The following NXPE2 variants were observed in gnomAD, a reference collection of about 807,000 sequenced individuals.
NXPE2 encodes neurexophilin and PC-esterase domain family member 2, also known as NXPE family member 2.
NXPE2 carries 34 observed loss-of-function variants against 34.4 expected under a neutral mutation model. The observed-to-expected ratio is 0.99, with a 90% CI of 0.75 to 1.31. NXPE2 has a LOEUF of 1.31. Ranked by LOEUF, NXPE2 falls within the 40% of genes most tolerant of loss-of-function variation. The pLI is 0.00. For missense variants in NXPE2, 649 were observed against 672.5 expected (o/e 0.97, Z 0.39); for synonymous variants, 235 against 231.3 (o/e 1.02, Z -0.15).
At chr11:114,593,273 C>T in the NXPE2 span, among the ~76,000 whole-genome samples, 3 of 152,060 alleles carry the variant, frequency 2.0e-5, no homozygotes, top group African/African-American at 7.2e-5. Context: ...TGCAAACTAT[C>T]CATCTGACAG....
At chr11:114,502,857 T>G in the NXPE2 span, among the ~76,000 whole-genome samples, 2 of 152,210 alleles carry the variant, frequency 1.3e-5, no homozygotes, top group Non-Finnish European at 2.9e-5. Context: ...TTGATTTGTT[T>G]CTTTTAAGTT....
chr11:114,626,769 GA>G, the NXPE2 span, among the ~76,000 whole-genome samples: 6 of 152,006 alleles, frequency 3.9e-5, no homozygotes, highest in Admixed American at 2.6e-4. Context: ...TGAAAACTTT[GA>G]AAAAAATTTA....
the NXPE2 span, chr11:114,530,168 T>C: frequency 6.3e-7 from 1 of 1,591,044 alleles, no homozygotes; most frequent in Non-Finnish European, 8.5e-7. Context: ...ATGAAAAGTA[T>C]ACTCACCTGT....
chr11:114,467,331 C>T, the NXPE2 span, among the ~76,000 whole-genome samples: 220 of 152,256 alleles, frequency 1.4e-3, no homozygotes, highest in Admixed American at 2.4e-3. Flanking sequence ...CTAGTAAAAT[C>T]CAGTTCGTTC....
At chr11:114,565,150 T>C in the NXPE2 span, among the ~76,000 whole-genome samples, 1 of 152,326 alleles carries the variant, frequency 6.6e-6, no homozygotes, top group Non-Finnish European at 1.5e-5. Context: ...ACATAATTTG[T>C]CCTTAAATTC....
the NXPE2 span, among the ~76,000 whole-genome samples, chr11:114,763,693 C>A: frequency 6.6e-6 from 1 of 152,186 alleles, no homozygotes; most frequent in Non-Finnish European, 1.5e-5. Context: ...TATTCCATCA[C>A]CAGTGCCAGC....
the NXPE2 span, among the ~76,000 whole-genome samples, chr11:114,640,658 G>T: frequency 1.3e-5 from 2 of 151,918 alleles, no homozygotes; most frequent in African/African-American, 4.8e-5. Flanking sequence ...TCTGACTAGG[G>T]TAAGGTGGTA....
chr11:114,481,593 A>C, the NXPE2 span, among the ~76,000 whole-genome samples: 1 of 152,184 alleles, frequency 6.6e-6, no homozygotes, highest in Non-Finnish European at 1.5e-5. Context: ...ATATTTAAGG[A>C]AATTCATAAA....
the NXPE2 span, among the ~76,000 whole-genome samples, chr11:114,560,794 C>T: frequency 2.0e-5 from 3 of 152,214 alleles, no homozygotes; most frequent in Non-Finnish European, 4.4e-5. Context: ...TCTTTCCCCT[C>T]TAACCCCTGG....
chr11:114,619,865 C>T, the NXPE2 span, among the ~76,000 whole-genome samples: 3 of 140,196 alleles, frequency 2.1e-5, no homozygotes, highest in Non-Finnish European at 4.7e-5. Context: ...CGCTGGATAA[C>T]AAGTGTTGCC....
At chr11:114,531,046 T>C in the NXPE2 span, 1 of 869,976 alleles carries the variant, frequency 1.1e-6, no homozygotes. Context: ...TATTTGGTAA[T>C]AAAGTGGCAT....
the NXPE2 span, among the ~76,000 whole-genome samples, chr11:114,725,976 A>AAAATATATAT: frequency 6.9e-5 from 7 of 101,746 alleles, no homozygotes; most frequent in East Asian, 3.6e-4. Context: ...ATAAAAAAAA[A>AAAATATATAT]ATATATATAT....
the NXPE2 span, among the ~76,000 whole-genome samples, chr11:114,713,003 T>C: frequency 1.3e-5 from 2 of 152,162 alleles, no homozygotes; most frequent in South Asian, 2.1e-4. Flanking sequence ...GAGGATATTA[T>C]GCGAAGTGGA....
the NXPE2 span, among the ~76,000 whole-genome samples, chr11:114,616,161 G>T: frequency 6.8e-6 from 1 of 147,432 alleles, no homozygotes; most frequent in Admixed American, 6.7e-5. Context: ...GGGTAACCAT[G>T]GTTACCCTGT....
At chr11:114,794,121 C>T in the NXPE2 span, among the ~76,000 whole-genome samples, 1 of 152,162 alleles carries the variant, frequency 6.6e-6, no homozygotes, top group African/African-American at 2.4e-5. Flanking sequence ...GCACTTCCTG[C>T]TGAGTCTCTC....
the NXPE2 span, among the ~76,000 whole-genome samples, chr11:114,777,607 T>C: frequency 6.6e-6 from 1 of 152,162 alleles, no homozygotes; most frequent in Non-Finnish European, 1.5e-5. Context: ...CATAGAGTCA[T>C]GCCTAGTATT....
the NXPE2 span, chr11:114,583,228 G>A: frequency 2.9e-6 from 2 of 692,386 alleles, no homozygotes; most frequent in African/African-American, 1.8e-5. Context: ...TGACAGGAGA[G>A]ACAGAGGGAC....
At chr11:114,683,619 C>A (rs1256817791) in intron 2 of NXPE2, among the ~76,000 whole-genome samples, 1 of 152,122 alleles carries the variant, frequency 6.6e-6, no homozygotes, top group African/African-American at 2.4e-5. Flanking sequence ...TGGGGTTTCA[C>A]CATGTTGGCC....
chr11:114,626,094 G>T, the NXPE2 span, among the ~76,000 whole-genome samples: 1 of 152,186 alleles, frequency 6.6e-6, no homozygotes, highest in African/African-American at 2.4e-5. Flanking sequence ...CAGCGAGGCT[G>T]GGAGAGGGGC....
Sources: gnomAD v4.1 joint callset for allele counts (sites outside exome capture counted in the v4.1 genomes callset) on GRCh38, gnomAD v4.1.1 for gene constraint, MANE v1.5 for transcripts, NCBI Gene and HGNC (gene_info 2026-07-23, HGNC 2026-07-21) for gene names.